The following MAP4 variants were observed in gnomAD, a reference collection of about 807,000 sequenced individuals.
MAP4 encodes the protein microtubule-associated protein 4.
A neutral mutation model predicts 170.2 loss-of-function variants in MAP4; 76 were observed. The ratio of observed to expected loss-of-function variants is 0.45; its 90% CI spans 0.37 to 0.54. MAP4 has a LOEUF of 0.54. Among genes scored for constraint, MAP4 ranks in the 20% least tolerant of loss-of-function variants. MAP4 has a pLI of 0.00. For synonymous variants in MAP4, 909 were observed against 994.5 expected (o/e 0.91, Z 1.62); for missense variants, 2,506 against 2,748.0 (o/e 0.91, Z 1.97).
chr3:47,891,227 C>T (rs1167278467), intron 10 of MAP4: 87 of 1,536,126 alleles, frequency 5.7e-5, no homozygotes, highest in Non-Finnish European at 7.2e-5. Flanking sequence ...CTCCAGCTTA[C>T]TATGGAGATA....
intron 12 of MAP4, among the ~76,000 whole-genome samples, chr3:47,872,484 C>G (rs1400320056): frequency 6.6e-6 from 1 of 152,132 alleles, no homozygotes; most frequent in African/African-American, 2.4e-5. Flanking sequence ...CACCTGGACA[C>G]AAGATGTGTC....
intron 2 of MAP4, among the ~76,000 whole-genome samples, chr3:47,997,302 C>T (rs2100096308): frequency 1.4e-5 from 1 of 71,718 alleles, no homozygotes; most frequent in Admixed American, 1.5e-4. Flanking sequence ...AAAATATCAT[C>T]TAAACACAAC....
At chr3:48,046,950 C>T (rs1241368405) in intron 1 of MAP4, among the ~76,000 whole-genome samples, 3 of 151,712 alleles carry the variant, frequency 2.0e-5, no homozygotes, top group African/African-American at 7.3e-5. Flanking sequence ...AAAAATGAGC[C>T]GGGCGTGGTG....
Position 47,855,493 on chromosome 3 carries a change from G to A in MAP4, c.6584-133C>T. ...TTCTGGGTGGCAAATGAAGAACAGT[G>A]AACACGTTTGTCTAAAGAGGACTTC... On this transcript the variant is annotated intron_variant, in intron 18 of 20. Transcript: ENST00000683076. The surrounding 1 kb of genome is among the most constrained non-coding windows in gnomAD (Gnocchi z 5.1). 1 of 662,504 alleles carries A rather than the reference G, an allele frequency of 1.5e-6. No homozygotes were observed. The highest frequency in any genetic ancestry group is 2.2e-5 in the Admixed American group (1 of 44,982). The allele number at this position is 662,504 out of a possible 1,614,324, so 41.0% of individuals were successfully genotyped here.
At chr3:47,883,360 G>C in intron 10 of MAP4, among the ~76,000 whole-genome samples, 1 of 152,040 alleles carries the variant, frequency 6.6e-6, no homozygotes, top group East Asian at 1.9e-4. Flanking sequence ...GAGTAGCTGG[G>C]ATTACAGGTA....
At chr3:47,978,762 T>TA (rs1461962959) in intron 2 of MAP4, among the ~76,000 whole-genome samples, 6 of 151,304 alleles carry the variant, frequency 4.0e-5, no homozygotes, top group South Asian at 2.1e-4. Context: ...TTTTTTTTTT[T>TA]AAGGAAATTA....
intron 10 of MAP4, among the ~76,000 whole-genome samples, chr3:47,893,773 T>A (rs532415539): frequency 4.3e-4 from 65 of 151,928 alleles, no homozygotes; most frequent in Non-Finnish European, 6.5e-4. Flanking sequence ...TTTTTTTTTT[T>A]TAAAAAAAGG....
intron 1 of MAP4, among the ~76,000 whole-genome samples, chr3:48,029,022 T>G (rs1411555825): frequency 6.6e-6 from 1 of 151,496 alleles, no homozygotes; most frequent in Non-Finnish European, 1.5e-5. Flanking sequence ...GGCACACACC[T>G]GTAGTCCCAG....
chr3:48,009,936 A>G (rs1413359012), intron 1 of MAP4, among the ~76,000 whole-genome samples: 1 of 152,172 alleles, frequency 6.6e-6, no homozygotes, highest in Admixed American at 6.5e-5. Flanking sequence ...CCTCCCTTTA[A>G]GTCAACAGGC....
rs2044554614 is a variant in MAP4 at position 47,852,547 on chromosome 3, AGAT to A, written c.*384_*386del. ...GGGTTTGGACCAAAGAACCAAAAAA[AGAT>A]GAGGATAGAATCTGGTTCTCCTCTC... On this transcript the variant is annotated 3_prime_UTR_variant, in exon 21 of 21. Coordinates refer to ENST00000683076, the MANE Select transcript of MAP4 (RefSeq NM_001385682.1). The A allele has an allele frequency of 5.9e-6, 3 of 510,988 alleles. No individual in the cohort carries two copies. Among genetic ancestry groups the A allele is most frequent in the African/African-American group, 3.9e-5 (2 of 50,750 alleles). The allele number at this position is 510,988 out of a possible 1,614,324, so 31.7% of individuals were successfully genotyped here.
At chr3:47,944,099 C>T (rs903565631) in intron 3 of MAP4, among the ~76,000 whole-genome samples, 4 of 152,028 alleles carry the variant, frequency 2.6e-5, no homozygotes. Flanking sequence ...ATCACAAGGT[C>T]AGGAGATCAA....
Position 47,916,641 on chromosome 3 carries a change from T to A in MAP4, c.1186A>T (p.Met396Leu). The change falls in exon 7 of 21, where the codon ATG becomes TTG. Residue 396 changes from methionine (M) to leucine (L), a missense_variant. Transcript: ENST00000683076. ...ATCTTGTTTTCTTTGGGTGGTCCCA[T>A]GTCCTTGGAAGGAGCCAAGTCCATT... Reference protein sequence around the residue: ...IKMDLAPSKDMGPPKENKIVP... With the variant: ...IKMDLAPSKDLGPPKENKIVP... 6.2e-7 allele frequency: 1 copy of A among 1,614,222 alleles called. No homozygotes were observed. The highest frequency in any genetic ancestry group is 8.5e-7 in the Non-Finnish European group (1 of 1,180,030).
Position 47,852,551 on chromosome 3 carries a change from G to A in MAP4, c.*383C>T, listed in dbSNP as rs2044562179. The A allele has an allele frequency of 3.9e-6, 2 of 518,162 alleles. No homozygotes were observed. The highest frequency in any genetic ancestry group is 6.7e-6 in the Non-Finnish European group (2 of 298,814). 32.1% of individuals were successfully genotyped at this position (518,162 alleles called of 1,614,324 possible). ...TTGGACCAAAGAACCAAAAAAAGAT[G>A]AGGATAGAATCTGGTTCTCCTCTCC... is the stretch of plus-strand genomic sequence containing the variant. On this transcript the variant is annotated 3_prime_UTR_variant, in exon 21 of 21. Transcript: ENST00000683076.
At chr3:47,901,671 T>C (rs1045258663) in intron 10 of MAP4, among the ~76,000 whole-genome samples, 2 of 148,524 alleles carry the variant, frequency 1.3e-5, no homozygotes, top group African/African-American at 5.0e-5. Flanking sequence ...AAGACCCTAT[T>C]TAAAAAAAAA....
At chr3:48,000,221 CAAAAAAAAAA>C (rs530513032) in intron 1 of MAP4, among the ~76,000 whole-genome samples, 127 of 79,892 alleles carry the variant, frequency 1.6e-3, no homozygotes, top group African/African-American at 3.9e-3. Flanking sequence ...ACTCCCCCAT[CAAAAAAAAAA>C]AAAAAAAAAA....
At chr3:47,877,778 GA>G in intron 10 of MAP4, 12 of 238,168 alleles carry the variant, frequency 5.0e-5, no homozygotes, top group Non-Finnish European at 7.2e-5. Flanking sequence ...ATGATCAGTG[GA>G]AAAAAATGGT....
rs546232479 is a variant in MAP4 at position 47,864,433 on chromosome 3, T to C, written c.6501+2813A>G. Among the ~76,000 whole-genome samples, 260 of 152,046 alleles carry C rather than the reference T, an allele frequency of 1.7e-3. 1 individual carries two copies. The highest frequency in any genetic ancestry group is 2.9e-3 in the Non-Finnish European group (194 of 67,934). ...GGCTCATGCCTGTAATCCCAGCACT[T>C]TGGGAGGCCGAGGCGGGCGGATCAT... On this transcript the variant is annotated intron_variant, in intron 17 of 20. Coordinates refer to ENST00000683076, the MANE Select transcript of MAP4 (RefSeq NM_001385682.1).
intron 1 of MAP4, among the ~76,000 whole-genome samples, chr3:48,024,204 G>A (rs926960497): frequency 1.3e-5 from 2 of 152,128 alleles, no homozygotes; most frequent in Non-Finnish European, 2.9e-5. Context: ...CAGCTACTCG[G>A]GAGGCTGAGG....
intron 4 of MAP4, among the ~76,000 whole-genome samples, chr3:47,924,265 G>T (rs955647404): frequency 1.3e-5 from 2 of 152,138 alleles, no homozygotes; most frequent in African/African-American, 4.8e-5. Context: ...GAACTGAGTG[G>T]TTATGAGGAG....
Sources: allele counts gnomAD v4.1 joint callset (sites outside exome capture counted in the v4.1 genomes callset), GRCh38; gene constraint gnomAD v4.1.1; non-coding constraint Gnocchi (gnomAD v3.1); transcripts MANE v1.5; gene names NCBI Gene and HGNC (gene_info 2026-07-23, HGNC 2026-07-21).